CLSTN2: variants seen among roughly 807,000 people sequenced by gnomAD.
CLSTN2 encodes calsyntenin-2.
A neutral mutation model predicts 101.2 loss-of-function variants in CLSTN2; 48 were observed. The ratio of observed to expected loss-of-function variants is 0.47; its 90% CI spans 0.38 to 0.60. The LOEUF is 0.60. CLSTN2 is among the 20% of genes least tolerant of loss of function. The pLI, the probability that CLSTN2 is intolerant of heterozygous loss-of-function variation, is 0.00. For synonymous variants in CLSTN2, 481 were observed against 463.6 expected (o/e 1.04, Z -0.48); for missense variants, 1,160 against 1,238.2 (o/e 0.94, Z 0.95).
intron 8 of CLSTN2, among the ~76,000 whole-genome samples, chr3:140,523,722 G>T (rs1387374072): frequency 6.6e-6 from 1 of 152,170 alleles, no homozygotes; most frequent in Non-Finnish European, 1.5e-5. Context: ...AATTCATGAA[G>T]CAGCTGTGAT....
intron 2 of CLSTN2, among the ~76,000 whole-genome samples, chr3:140,394,403 A>G (rs560950620): frequency 6.6e-6 from 1 of 152,332 alleles, no homozygotes; most frequent in South Asian, 2.1e-4. Context: ...TTGTAAAGAA[A>G]GGGACATGAC....
chr3:140,408,105 A>G (rs2088324821), intron 4 of CLSTN2, among the ~76,000 whole-genome samples: 1 of 152,202 alleles, frequency 6.6e-6, no homozygotes, highest in Non-Finnish European at 1.5e-5. Context: ...AAGAAAAACA[A>G]TGAGAATAAT....
intron 2 of CLSTN2, among the ~76,000 whole-genome samples, chr3:140,198,772 T>C (rs531499796): frequency 6.6e-5 from 10 of 152,324 alleles, no homozygotes; most frequent in Admixed American, 5.9e-4. Flanking sequence ...CATTTAAAAA[T>C]GTAAAAACCA....
intron 2 of CLSTN2, among the ~76,000 whole-genome samples, chr3:140,341,447 C>T (rs758152743): frequency 9.9e-5 from 15 of 152,196 alleles, no homozygotes; most frequent in Non-Finnish European, 2.2e-4. Context: ...TCAGAATGAG[C>T]AGGCCCATAA....
At chr3:140,168,630 C>A (rs890781379) in intron 1 of CLSTN2, among the ~76,000 whole-genome samples, 2 of 152,058 alleles carry the variant, frequency 1.3e-5, no homozygotes, top group Admixed American at 1.3e-4. Context: ...ATAATTTTGA[C>A]TTCTACATTC....
At chr3:140,269,767 G>T (rs1214422013) in intron 2 of CLSTN2, among the ~76,000 whole-genome samples, 2 of 152,132 alleles carry the variant, frequency 1.3e-5, no homozygotes, top group Non-Finnish European at 2.9e-5. Flanking sequence ...TGACCCCAGG[G>T]GATTTTGAAG....
At chr3:139,981,435 T>G (rs1054397955) in intron 1 of CLSTN2, among the ~76,000 whole-genome samples, 3 of 152,230 alleles carry the variant, frequency 2.0e-5, no homozygotes, top group Non-Finnish European at 4.4e-5. Flanking sequence ...AGCACAGACC[T>G]CATGTAATTT....
In CLSTN2 at chr3:140,460,573, A is replaced by G. The variant is rs139114124; in HGVS notation, c.1222+804A>G. ...AAAGCCTTATTGTTTTTGCCATTTT[A>G]AGGATAAAACATTCCTTAGAGGTTG... On this transcript the variant is annotated intron_variant, in intron 7 of 16. Coordinates refer to ENST00000458420, the MANE Select transcript of CLSTN2 (RefSeq NM_022131.3). Among the ~76,000 whole-genome samples the G allele has an allele frequency of 3.1e-3, 473 of 152,292 alleles. 3 individuals are homozygous for G. The highest frequency in any genetic ancestry group is 0.011 in the African/African-American group (454 of 41,552).
At chr3:139,993,257 A>G in intron 1 of CLSTN2, among the ~76,000 whole-genome samples, 1 of 151,922 alleles carries the variant, frequency 6.6e-6, no homozygotes, top group Middle Eastern at 3.2e-3. Context: ...CTTTGGGCTG[A>G]TGGTCTCTCT....
chr3:140,130,434 GA>G (rs1265738484), intron 1 of CLSTN2, among the ~76,000 whole-genome samples: 1 of 152,168 alleles, frequency 6.6e-6, no homozygotes, highest in Admixed American at 6.5e-5. Flanking sequence ...AACCCTCCTG[GA>G]AGTTTTGCCT....
intron 2 of CLSTN2, among the ~76,000 whole-genome samples, chr3:140,339,370 A>G (rs1393919883): frequency 6.6e-6 from 1 of 152,192 alleles, no homozygotes; most frequent in Non-Finnish European, 1.5e-5. Context: ...TTAGACCAGA[A>G]GAGGCCCTTT....
Position 139,996,413 on chromosome 3 carries a change from G to A in CLSTN2, c.109+60930G>A, listed in dbSNP as rs566275015. Among the ~76,000 whole-genome samples the A allele has an allele frequency of 1.5e-4, 23 of 151,924 alleles. No individual in the cohort carries two copies. In the South Asian group the frequency reaches 2.7e-3, roughly 18 times the overall value. ...TGTTGTTTTTTGTTTTTTTTGAGACGGAGTCTCGCTCTGTCGCCCAGGCTG... is the reference window on the plus strand; with the variant it reads ...TGTTGTTTTTTGTTTTTTTTGAGACAGAGTCTCGCTCTGTCGCCCAGGCTG... On this transcript the variant is annotated intron_variant, in intron 1 of 16. Coordinates refer to ENST00000458420, the MANE Select transcript of CLSTN2 (RefSeq NM_022131.3).
chr3:140,296,093 C>T (rs1205653884), intron 2 of CLSTN2, among the ~76,000 whole-genome samples: 1 of 152,166 alleles, frequency 6.6e-6, no homozygotes, highest in Non-Finnish European at 1.5e-5. Flanking sequence ...ATGCTCTTCT[C>T]CTGACCAATG....
At chr3:140,192,047 G>A (rs2010572814) in intron 2 of CLSTN2, among the ~76,000 whole-genome samples, 1 of 151,858 alleles carries the variant, frequency 6.6e-6, no homozygotes. Context: ...TCAGTTATAT[G>A]TACTAGCTTA....
intron 2 of CLSTN2, among the ~76,000 whole-genome samples, chr3:140,287,411 A>C (rs1455962421): frequency 6.6e-6 from 1 of 152,074 alleles, no homozygotes; most frequent in Admixed American, 6.6e-5. Context: ...GGACAGGAGG[A>C]AGCTTTTGGG....
At chr3:140,446,021 T>TAGAA (rs111485781) in intron 5 of CLSTN2, among the ~76,000 whole-genome samples, 72,965 of 151,468 alleles carry the variant, frequency 0.48, 19,551 homozygotes, top group African/African-American at 0.72. Context: ...GGGATAGTGA[T>TAGAA]AGGGAACCCC....
intron 1 of CLSTN2, among the ~76,000 whole-genome samples, chr3:139,983,311 A>G (rs879862860): frequency 2.6e-5 from 4 of 152,206 alleles, no homozygotes; most frequent in African/African-American, 9.6e-5. Context: ...GATGGTTTTC[A>G]TCTGATTTAG....
At chr3:140,314,680 C>T (rs937894876) in intron 2 of CLSTN2, among the ~76,000 whole-genome samples, 1 of 152,064 alleles carries the variant, frequency 6.6e-6, no homozygotes, top group Non-Finnish European at 1.5e-5. Flanking sequence ...TGAGTAAACC[C>T]AGAATATGTG....
At chr3:139,967,829 A>G (rs1310722498) in intron 1 of CLSTN2, among the ~76,000 whole-genome samples, 2 of 152,180 alleles carry the variant, frequency 1.3e-5, no homozygotes, top group East Asian at 1.9e-4. Flanking sequence ...ACACATCTAC[A>G]CTAATATTTA....
Sources: allele counts gnomAD v4.1 joint callset (sites outside exome capture counted in the v4.1 genomes callset), GRCh38; gene constraint gnomAD v4.1.1; transcripts MANE v1.5; gene names NCBI Gene and HGNC (gene_info 2026-07-23, HGNC 2026-07-21).